MCM3: variants seen among roughly 807,000 people sequenced by gnomAD.
The protein encoded by MCM3 is DNA replication licensing factor MCM3.
In MCM3, 59 loss-of-function variants were observed where a neutral mutation model predicts 91.3. The ratio of observed to expected loss-of-function variants is 0.65; its 90% CI spans 0.52 to 0.80. The LOEUF (loss-of-function observed/expected upper bound fraction) is 0.80. Ranked by LOEUF, MCM3 falls within the 30% of genes least tolerant of loss-of-function variation. MCM3 has a pLI of 0.00. For synonymous variants in MCM3, 383 were observed against 379.6 expected, an observed-to-expected ratio of 1.01 and a Z score of -0.10; for missense variants, 919 against 1,035.4, an observed-to-expected ratio of 0.89 and a Z score of 1.54.
rs1161759782 is a variant in MCM3 at position 52,277,085 on chromosome 6, T to C, written c.1147A>G (p.Thr383Ala). ...SSGVGLTAAV[T>A]TDQETGERRL... Reference sequence around the variant, plus strand: ...CCCTTACCTGTTTCCTGGTCTGTGGTGACAGCAGCCGTCAGACCCACTCCA... The same window carrying C: ...CCCTTACCTGTTTCCTGGTCTGTGGCGACAGCAGCCGTCAGACCCACTCCA... The change falls in exon 8 of 17, where the codon ACC becomes GCC. Residue 383 changes from threonine (T) to alanine (A), a missense_variant. Around this residue, in one of 3 missense-constraint regions of MCM3, gnomAD observed 233 missense variants for 321.2 expected, o/e 0.73. Coordinates refer to ENST00000596288, the MANE Select transcript of MCM3 (RefSeq NM_002388.6). 1 of 1,613,892 alleles carries C rather than the reference T, an allele frequency of 6.2e-7. No individual in the cohort carries two copies. The highest frequency in any genetic ancestry group is 2.2e-5 in the East Asian group (1 of 44,884).
chr6:52,274,332 AG>A (rs1204023298), intron 9 of MCM3, among the ~76,000 whole-genome samples: 5 of 152,222 alleles, frequency 3.3e-5, no homozygotes, highest in African/African-American at 1.2e-4. Context: ...TCCCTTACTC[AG>A]AAGATACAAG....
intron 14 of MCM3, among the ~76,000 whole-genome samples, 153 bp from the exon 15 acceptor site, chr6:52,266,849 T>C (rs1055535360): frequency 4.6e-5 from 7 of 152,162 alleles, no homozygotes; most frequent in Non-Finnish European, 5.9e-5. Context: ...CTGCTGCTTG[T>C]TCCAAACGAG....
chr6:52,283,135 T>C (rs1424787699), intron 2 of MCM3, among the ~76,000 whole-genome samples, 159 bp downstream of exon 2: 1 of 93,202 alleles, frequency 1.1e-5, no homozygotes, highest in African/African-American at 4.4e-5. Context: ...CCACCCACTT[T>C]TTGAAAAAAA....
At chr6:52,270,797 G>A (rs1395642814) in intron 12 of MCM3, among the ~76,000 whole-genome samples, 1 of 152,168 alleles carries the variant, frequency 6.6e-6, no homozygotes, top group African/African-American at 2.4e-5. Flanking sequence ...GAGGAAGACA[G>A]GCGATACACA....
In MCM3 at chr6:52,272,352, T is replaced by C. The variant is rs539863624; in HGVS notation, c.1776A>G (p.Glu592=). The change falls in exon 12 of 17, where the codon GAA becomes GAG. Residue 592 remains glutamate, a synonymous_variant. Coordinates refer to ENST00000596288, the MANE Select transcript of MCM3 (RefSeq NM_002388.6). ...LTQESATYIA[E]EYSRLRSQDS... is the part of the protein sequence containing the mutation. The stretch of plus-strand genomic sequence containing the variant: ...CCTGGCTGCGCAGGCGTGAATACTC[T>C]TCTGCAATGTAGGTGGCCGACTCCT... The C allele has an allele frequency of 4.3e-6, 7 of 1,614,210 alleles. No homozygotes were observed. In the Admixed American group the frequency reaches 1.2e-4, roughly 27 times the overall value.
intron 14 of MCM3, among the ~76,000 whole-genome samples, chr6:52,267,096 C>CTTTTCTTT (rs575167224): frequency 9.0e-6 from 1 of 111,572 alleles, no homozygotes; most frequent in Non-Finnish European, 1.8e-5. Context: ...AGGGTATCTT[C>CTTTTCTTT]TTTTTTTTTT....
At position 52,267,946 on chromosome 6, in the gene MCM3, C is replaced by T. The variant is rs142526631; in HGVS notation, c.1991G>A (p.Arg664His). ...TGATTCATCCTCACTTCGCTTCTTA[C>T]GTTTCTTCTCCTTCTCCAGAACCTA... ...FKKVLEKEKK[R>H]KKRSEDESET... Residue 664 changes from arginine (R) to histidine (H), a missense_variant, in exon 14 of 17, where the codon CGT becomes CAT. By Grantham distance (29) the Arg-to-His change is conservative. Coordinates refer to ENST00000596288, the MANE Select transcript of MCM3 (RefSeq NM_002388.6). The T allele has an allele frequency of 4.3e-6, 7 of 1,610,158 alleles. No individual in the cohort carries two copies. In the East Asian group the frequency reaches 1.1e-4, roughly 26 times the overall value.
Position 52,279,584 on chromosome 6 carries a change from G to A in MCM3, c.547C>T (p.Pro183Ser), listed in dbSNP as rs769766628. Reference protein sequence around the residue: ...VYPTKDEENNPLETEYGLSVY... With the variant: ...VYPTKDEENNSLETEYGLSVY... ...GAAAGGCCATATTCTGTCTCAAGGGGATTGTTCTCCTCATCCTAGAAAAAG... is the reference window on the plus strand; with the variant it reads ...GAAAGGCCATATTCTGTCTCAAGGGAATTGTTCTCCTCATCCTAGAAAAAG... Residue 183 changes from proline to serine, a missense_variant, in exon 5 of 17, where the codon CCC becomes TCC. Around this residue, in one of 3 missense-constraint regions of MCM3, gnomAD observed 401 missense variants for 402.7 expected, o/e 1.00. Transcript: ENST00000596288. 69 of 1,613,110 alleles carry A rather than the reference G, an allele frequency of 4.3e-5. No homozygotes were observed. The highest frequency in any genetic ancestry group is 3.3e-4 in the Middle Eastern group (2 of 6,056).
chr6:52,276,736 G>C (rs1765602419), intron 8 of MCM3, among the ~76,000 whole-genome samples: 1 of 151,962 alleles, frequency 6.6e-6, no homozygotes, highest in South Asian at 2.1e-4. Flanking sequence ...TTCTCTCTTC[G>C]GCCTCAACCT....
chr6:52,269,627 G>T (rs1764927559), intron 12 of MCM3, among the ~76,000 whole-genome samples: 1 of 152,128 alleles, frequency 6.6e-6, no homozygotes, highest in Non-Finnish European at 1.5e-5. Flanking sequence ...GAAGGAAATG[G>T]GACTCAAAGA....
intron 12 of MCM3, among the ~76,000 whole-genome samples, chr6:52,271,597 G>A (rs1025103872): frequency 6.6e-5 from 10 of 151,874 alleles, no homozygotes; most frequent in South Asian, 4.2e-4. Flanking sequence ...AGTTGAGATC[G>A]CGCCATTGCA....
chr6:52,273,472 A>C, intron 10 of MCM3, 116 bp from the exon 11 acceptor site: 1 of 1,078,204 alleles, frequency 9.3e-7, no homozygotes, highest in Non-Finnish European at 1.3e-6. Context: ...AGGGCCCAAA[A>C]AGAATCAGAC....
chr6:52,276,203 C>T, intron 9 of MCM3, 65 bp downstream of exon 9: 1 of 1,448,044 alleles, frequency 6.9e-7, no homozygotes, highest in Non-Finnish European at 9.5e-7. Context: ...ATACACTTCT[C>T]AGCCCAGTTA....
Position 52,282,821 on chromosome 6 carries a change from G to T in MCM3, c.232C>A (p.Arg78=), listed in dbSNP as rs2307318. ...NAFEELVAFQ[R]ALKDFVASID... ...GAGGCCACAAAATCCTTTAAGGCCC[G>T]CTGGAAGGCAACCAGCTCCTCAAAG... is the stretch of plus-strand genomic sequence containing the variant. Residue 78 remains arginine, a synonymous_variant, in exon 3 of 17, where the codon CGG becomes AGG. Transcript: ENST00000596288. 1.2e-3 allele frequency: 1,967 copies of T among 1,614,006 alleles called. 21 individuals are homozygous for T. The African/African-American group carries it at 0.021, about 17-fold the overall frequency.
At position 52,267,853 on chromosome 6, in the gene MCM3, G is replaced by A. The variant is rs1370729982; in HGVS notation, c.2072+12C>T. 5.4e-6 allele frequency: 5 copies of A among 924,438 alleles called. No homozygotes were observed. Among genetic ancestry groups the A allele is most frequent in the East Asian group, 2.6e-5 (1 of 38,356 alleles). The allele number at this position is 924,438 out of a possible 1,614,324, so 57.3% of individuals were successfully genotyped here. A position where few individuals can be genotyped will look rare whatever the true frequency, so the allele number is the denominator to read the frequency against. On this transcript the variant is annotated intron_variant, in intron 14 of 16. Transcript: ENST00000596288. ...ACTAACTTTTTAATCTCATTTGCTT[G>A]CCCCACCTTACCTCTTCCTCTTCTG...
In MCM3 at chr6:52,282,897, G is replaced by A. The variant is rs768988520; in HGVS notation, c.192-36C>T. 3.3e-6 allele frequency: 5 copies of A among 1,507,148 alleles called. No individual in the cohort carries two copies. The East Asian group carries it at 9.0e-5, about 27-fold the overall frequency. The allele number at this position is 1,507,148 out of a possible 1,614,324, so 93.4% of individuals were successfully genotyped here. ...GCAAGAGAAAGAAAAATTAGACTGG[G>A]CAGAACTCAAAAAAATGGATCCTCA... is the stretch of plus-strand genomic sequence containing the variant. On this transcript the variant is annotated intron_variant, in intron 2 of 16. Transcript: ENST00000596288.
rs754987042 is a variant in MCM3 at position 52,264,172 on chromosome 6, T to C, written c.*416A>G. On this transcript the variant is annotated 3_prime_UTR_variant, in exon 17 of 17. Coordinates refer to ENST00000596288, the MANE Select transcript of MCM3 (RefSeq NM_002388.6). ...GTGCCTCAGAGCTTCTCTCCACCAA[T>C]TGGAACCACCCAAAGCCTAGTCTAG... 6 of 180,838 alleles carry C rather than the reference T, an allele frequency of 3.3e-5. No homozygotes were observed. The highest frequency in any genetic ancestry group is 5.9e-5 in the Non-Finnish European group (5 of 84,652). The allele number at this position is 180,838 out of a possible 1,614,324, so 11.2% of individuals were successfully genotyped here. A position where few individuals can be genotyped will look rare whatever the true frequency, so the allele number is the denominator to read the frequency against.
chr6:52,271,645 CAAAACA>C (rs550690186), intron 12 of MCM3, among the ~76,000 whole-genome samples: 234 of 151,978 alleles, frequency 1.5e-3, no homozygotes, highest in Middle Eastern at 3.4e-3. Context: ...TCTGTCTCAC[CAAAACA>C]AAAACAAAAA....
Position 52,267,943 on chromosome 6 carries a change from T to C in MCM3, c.1994A>G (p.Lys665Arg). The C allele has an allele frequency of 1.9e-6, 3 of 1,609,476 alleles. No homozygotes were observed. The highest frequency in any genetic ancestry group is 2.2e-5 in the East Asian group (1 of 44,852). Reference protein sequence around the residue: ...KKVLEKEKKRKKRSEDESETE... With the variant: ...KKVLEKEKKRRKRSEDESETE... The stretch of plus-strand genomic sequence containing the variant: ...CTCTGATTCATCCTCACTTCGCTTC[T>C]TACGTTTCTTCTCCTTCTCCAGAAC... Residue 665 changes from lysine to arginine, a missense_variant, in exon 14 of 17, where the codon AAG becomes AGG. Physicochemically the swap from Lys to Arg is conservative, Grantham distance 26. Coordinates refer to ENST00000596288, the MANE Select transcript of MCM3 (RefSeq NM_002388.6).
Sources: gnomAD v4.1 joint callset for allele counts (sites outside exome capture counted in the v4.1 genomes callset) on GRCh38, gnomAD v4.1.1 for gene constraint, gnomAD v4.1.1 regional missense constraint, MANE v1.5 for transcripts, NCBI Gene and HGNC (gene_info 2026-07-23, HGNC 2026-07-21) for gene names.